The following USH2A variants were observed in gnomAD, a reference collection of about 807,000 sequenced individuals.
USH2A encodes Usher syndrome 2A (autosomal recessive, mild).
USH2A carries 443 observed loss-of-function variants against 538.9 expected under a neutral mutation model. That is an observed-to-expected ratio of 0.82 (90% CI 0.76 to 0.89). USH2A has a LOEUF of 0.89. Among genes scored for constraint, USH2A ranks in the 40% least tolerant of loss-of-function variants. The probability of loss-of-function intolerance (pLI) is 0.00; values close to 1 mark genes in which losing one functional copy is unlikely to be tolerated. For synonymous variants in USH2A, 2,413 were observed against 2,273.5 expected (o/e 1.06, Z -1.75); for missense variants, 6,633 against 6,324.8 (o/e 1.05, Z -1.65).
chr1:216,399,459 T>A (rs975917005), intron 3 of USH2A, among the ~76,000 whole-genome samples: 1 of 152,062 alleles, frequency 6.6e-6, no homozygotes, highest in East Asian at 1.9e-4. Flanking sequence ...ATACTCTACA[T>A]CCTTTTTCCC....
intron 21 of USH2A, among the ~76,000 whole-genome samples, chr1:216,104,160 G>A (rs555578782): frequency 1.3e-5 from 2 of 151,794 alleles, no homozygotes; most frequent in African/African-American, 4.8e-5. Context: ...TTGGTGTGCT[G>A]CACCCATTAA....
chr1:215,773,646 C>T (rs1661368357), intron 55 of USH2A, among the ~76,000 whole-genome samples: 1 of 151,960 alleles, frequency 6.6e-6, no homozygotes, highest in African/African-American at 2.4e-5. Context: ...TTTCTTGGCG[C>T]AAGACAACGA....
intron 35 of USH2A, among the ~76,000 whole-genome samples, chr1:215,989,565 T>G (rs779004015): frequency 2.6e-5 from 4 of 152,062 alleles, no homozygotes; most frequent in Non-Finnish European, 5.9e-5. Flanking sequence ...CAAATGCAAA[T>G]TTTTTGCATG....
At chr1:216,344,467 G>A (rs1191096879) in intron 4 of USH2A, among the ~76,000 whole-genome samples, 2 of 152,058 alleles carry the variant, frequency 1.3e-5, no homozygotes, top group Non-Finnish European at 2.9e-5. Flanking sequence ...TCCTTTACAA[G>A]ATGGAATTTT....
intron 71 of USH2A, among the ~76,000 whole-genome samples, chr1:215,627,136 G>T (rs1656055492): frequency 6.6e-6 from 1 of 152,084 alleles, no homozygotes; most frequent in South Asian, 2.1e-4. Context: ...TAGGGAACCT[G>T]GGTCCAGCGA....
At position 216,312,736 on chromosome 1, in the gene USH2A, G is replaced by A. The variant is rs2037444807; in HGVS notation, c.1644+9147C>T. ...AGCCTTTAGTGTATTCATCAGAGCC[G>A]CTTTAAGTTTCTGGTCTGATAATTT... On this transcript the variant is annotated intron_variant, in intron 9 of 71. Coordinates refer to ENST00000307340, the MANE Select transcript of USH2A (RefSeq NM_206933.4). Among the ~76,000 whole-genome samples the A allele has an allele frequency of 3.9e-5, 6 of 152,148 alleles. No individual in the cohort carries two copies. The South Asian group carries it at 1.2e-3, about 32-fold the overall frequency.
At chr1:216,184,375 CAGT>C (rs1288127309) in intron 20 of USH2A, among the ~76,000 whole-genome samples, 1 of 151,830 alleles carries the variant, frequency 6.6e-6, no homozygotes, top group Non-Finnish European at 1.5e-5. Flanking sequence ...TACATCAAGT[CAGT>C]AGTTTAACAA....
rs2030718642 is a variant in USH2A at position 216,050,560 on chromosome 1, T to TTTTCTTTGTTTC, written c.6050-1914_6050-1913insGAAACAAAGAAA. ...ACATGCTACTAGACAATTTGTATCTTTTTCTTTCTTTCTTTCTTTCTTTCT... is the reference window on the plus strand; with the variant it reads ...ACATGCTACTAGACAATTTGTATCTTTTTCTTTGTTTCTTTCTTTCTTTCTTTCTTTCTTTCT... On this transcript the variant is annotated intron_variant, in intron 30 of 71. Transcript: ENST00000307340. Among the ~76,000 whole-genome samples the TTTTCTTTGTTTC allele has an allele frequency of 8.4e-5, 3 of 35,704 alleles. No homozygotes were observed. The South Asian group carries it at 3.6e-3, about 43-fold the overall frequency. The allele number at this position is 35,704 out of a possible 152,430, so 23.4% of individuals were successfully genotyped here. A position where few individuals can be genotyped will look rare whatever the true frequency, so the allele number is the denominator to read the frequency against.
chr1:215,743,435 C>CATAT (rs1246495817), intron 58 of USH2A, 100 bp from the exon 59 acceptor site: 1 of 242,692 alleles, frequency 4.1e-6, no homozygotes, highest in Non-Finnish European at 6.4e-6. Flanking sequence ...TATAGACACA[C>CATAT]ATATATATAT....
chr1:216,335,178 T>C (rs551080779), intron 4 of USH2A, among the ~76,000 whole-genome samples: 8 of 151,618 alleles, frequency 5.3e-5, no homozygotes, highest in Admixed American at 1.3e-4. Flanking sequence ...GTGTGAAAAT[T>C]AACCCATTCC....
intron 64 of USH2A, among the ~76,000 whole-genome samples, chr1:215,664,991 A>T (rs1657559035): frequency 6.6e-6 from 1 of 152,244 alleles, no homozygotes; most frequent in Admixed American, 6.5e-5. Flanking sequence ...TAATGTGCTC[A>T]AATATCCAGA....
intron 61 of USH2A, among the ~76,000 whole-genome samples, chr1:215,715,245 T>C (rs1659451015): frequency 6.6e-6 from 1 of 152,216 alleles, no homozygotes; most frequent in Non-Finnish European, 1.5e-5. Flanking sequence ...GGTATTTGGT[T>C]TTCTGTTGCC....
intron 14 of USH2A, among the ~76,000 whole-genome samples, chr1:216,230,491 C>A (rs191211671): frequency 2.4e-3 from 359 of 152,114 alleles, no homozygotes; most frequent in African/African-American, 8.3e-3. Flanking sequence ...GTCAAGAAAA[C>A]AAAAATTATT....
Position 216,202,385 on chromosome 1 carries a change from A to G in USH2A, c.3317-2264T>C, listed in dbSNP as rs534771894. Among the ~76,000 whole-genome samples the G allele has an allele frequency of 1.1e-3, 162 of 152,360 alleles. 6 individuals carry two copies. The South Asian group carries it at 0.033, about 31-fold the overall frequency. ...TTGGGATGGAAATATGCATTTGTGT[A>G]GGAATATCATATAAGGCAATTTATA... On this transcript the variant is annotated intron_variant, in intron 16 of 71. Coordinates refer to ENST00000307340, the MANE Select transcript of USH2A (RefSeq NM_206933.4).
chr1:215,825,825 A>G (rs1186696267), intron 47 of USH2A, among the ~76,000 whole-genome samples: 1 of 152,230 alleles, frequency 6.6e-6, no homozygotes, highest in Non-Finnish European at 1.5e-5. Flanking sequence ...GTCACTGAAT[A>G]TTTAATTATC....
intron 21 of USH2A, among the ~76,000 whole-genome samples, chr1:216,151,421 C>T (rs1016344615): frequency 6.6e-6 from 1 of 152,106 alleles, no homozygotes; most frequent in Non-Finnish European, 1.5e-5. Flanking sequence ...GAAGAGCTCC[C>T]TGTTCCCCTC....
chr1:216,179,940 A>G (rs1198722526), intron 20 of USH2A, among the ~76,000 whole-genome samples: 1 of 152,138 alleles, frequency 6.6e-6, no homozygotes, highest in Non-Finnish European at 1.5e-5. Context: ...TTCACTTTTT[A>G]ATGTCTAAAT....
At chr1:216,146,623 C>G (rs949375313) in intron 21 of USH2A, among the ~76,000 whole-genome samples, 1 of 152,116 alleles carries the variant, frequency 6.6e-6, no homozygotes, top group African/African-American at 2.4e-5. Context: ...TTTCCGCACC[C>G]CAACCTCTTA....
chr1:215,883,729 T>C (rs1028856677), intron 41 of USH2A, among the ~76,000 whole-genome samples: 5 of 152,144 alleles, frequency 3.3e-5, no homozygotes, highest in Non-Finnish European at 7.4e-5. Flanking sequence ...ATACCTAAAC[T>C]CTCTAGTTGG....
Sources: allele counts gnomAD v4.1 joint callset (sites outside exome capture counted in the v4.1 genomes callset), GRCh38; gene constraint gnomAD v4.1.1; transcripts MANE v1.5; gene names NCBI Gene and HGNC (gene_info 2026-07-23, HGNC 2026-07-21).